Variants in CACNG6 observed in about 807,000 individuals in gnomAD.
CACNG6 encodes the protein voltage-dependent calcium channel gamma-6 subunit.
Under a neutral mutation model 23.9 loss-of-function variants are expected in CACNG6, and 21 were observed. The ratio of observed to expected loss-of-function variants is 0.88; its 90% CI spans 0.62 to 1.26. CACNG6 has a LOEUF of 1.26. Among genes scored for constraint, CACNG6 ranks in the 50% most tolerant of loss-of-function variants. CACNG6 has a pLI of 0.00. For synonymous variants in CACNG6, 182 were observed against 168.9 expected, an observed-to-expected ratio of 1.08 and a Z score of -0.60; for missense variants, 340 against 352.9, an observed-to-expected ratio of 0.96 and a Z score of 0.29.
In CACNG6 at chr19:53,992,707, C is replaced by G. The variant is rs1379426733; in HGVS notation, c.-171C>G. 7.4e-6 allele frequency: 3 copies of G among 406,916 alleles called. No homozygotes were observed. Among genetic ancestry groups the G allele is most frequent in the Non-Finnish European group, 1.3e-5 (3 of 235,324 alleles). The allele number at this position is 406,916 out of a possible 1,614,324, so 25.2% of individuals were successfully genotyped here. ...TTCTCTTCTGAACCCCAGAAGCAAT[C>G]TCGACTTTCGCATTTGAGATTCCAG... On this transcript the variant is annotated 5_prime_UTR_variant, in exon 1 of 4. In the 5' UTR this introduces an upstream ATG that the reference lacks. Coordinates refer to ENST00000252729, the MANE Select transcript of CACNG6 (RefSeq NM_145814.2). This position sits in a 1 kb window ranked among gnomAD's most constrained non-coding sequence, Gnocchi z 4.1.
At chr19:53,997,320 GT>G (rs1465885109) in intron 1 of CACNG6, among the ~76,000 whole-genome samples, 2 of 152,088 alleles carry the variant, frequency 1.3e-5, no homozygotes, top group Non-Finnish European at 2.9e-5. Flanking sequence ...GACTGTCTGT[GT>G]CATTTACTTG....
chr19:53,998,411 C>T (rs1454489663), intron 2 of CACNG6, 98 bp downstream of exon 2: 1 of 1,057,018 alleles, frequency 9.5e-7, no homozygotes, highest in Non-Finnish European at 1.4e-6. Flanking sequence ...TGCTTTACCC[C>T]AGGGCAGGTC....
In CACNG6 at chr19:54,012,220, C is replaced by G. The variant is rs2069726259; in HGVS notation, c.*31C>G. 1 of 1,037,986 alleles carries G rather than the reference C, an allele frequency of 9.6e-7. No individual in the cohort carries two copies. 64.3% of individuals were successfully genotyped at this position (1,037,986 alleles called of 1,614,324 possible). On this transcript the variant is annotated 3_prime_UTR_variant, in exon 4 of 4. Coordinates refer to ENST00000252729, the MANE Select transcript of CACNG6 (RefSeq NM_145814.2). ...CGCGTGAGACTTCTCTAAGCAACCA[C>G]CGAGCCCTTTGACCTTCTCCATTGT... is the stretch of plus-strand genomic sequence containing the variant.
At chr19:53,998,397 C>A in intron 2 of CACNG6, 84 bp downstream of exon 2, 1 of 1,232,530 alleles carries the variant, frequency 8.1e-7, no homozygotes, top group Non-Finnish European at 1.2e-6. Flanking sequence ...GTTATCCCCT[C>A]CTCTGCTTTA....
chr19:54,002,284 G>GTTTTTTTTTTT (rs139176353), intron 3 of CACNG6, among the ~76,000 whole-genome samples: 1 of 117,428 alleles, frequency 8.5e-6, no homozygotes, highest in Admixed American at 9.2e-5. Flanking sequence ...TGTTTTTTTT[G>GTTTTTTTTTTT]TTTTTTTTTT....
At chr19:54,003,391 T>C (rs2069600364) in intron 3 of CACNG6, among the ~76,000 whole-genome samples, 1 of 152,078 alleles carries the variant, frequency 6.6e-6, no homozygotes, top group Non-Finnish European at 1.5e-5. Flanking sequence ...GAGACAGTTT[T>C]GCTCTGTCAC....
chr19:53,997,969 T>C (rs1350990929), intron 1 of CACNG6, among the ~76,000 whole-genome samples: 2 of 152,166 alleles, frequency 1.3e-5, no homozygotes, highest in African/African-American at 4.8e-5. Flanking sequence ...TATCTCGTTT[T>C]AAAGAGGAGG....
chr19:54,005,478 G>A (rs987334872), intron 3 of CACNG6, among the ~76,000 whole-genome samples: 1 of 151,482 alleles, frequency 6.6e-6, no homozygotes, highest in Non-Finnish European at 1.5e-5. Flanking sequence ...TAAACTGGCC[G>A]GGCATGGTGG....
rs371151424 is a variant in CACNG6, at chr19:54,006,120, A to AAATAAAT, written c.545-5829_545-5828insTAAATAA. Among the ~76,000 whole-genome samples, 888 of 150,666 alleles carry AAATAAAT rather than the reference A, an allele frequency of 5.9e-3. 7 individuals carry two copies. The highest frequency in any genetic ancestry group is 9.7e-3 in the Non-Finnish European group (657 of 67,596). On this transcript the variant is annotated intron_variant, in intron 3 of 3. Coordinates refer to ENST00000252729, the MANE Select transcript of CACNG6 (RefSeq NM_145814.2). Reference sequence around the variant, plus strand: ...TAAATAAATAAATAAATAAATAAATAAAATAAGAAAGAAAGAAGACTCATT... The same window carrying AAATAAAT: ...TAAATAAATAAATAAATAAATAAATAAATAAATAAATAAGAAAGAAAGAAGACTCATT...
chr19:54,011,205 A>AAATATATATATATATATATATAT (rs58054808), intron 3 of CACNG6, among the ~76,000 whole-genome samples: 1 of 102,542 alleles, frequency 9.8e-6, no homozygotes, highest in Non-Finnish European at 1.7e-5. Context: ...AAAAAAAAAA[A>AAATATATATATATATATATATAT]ATATATATAT....
In CACNG6 at chr19:53,993,139, A is replaced by G. The variant is rs375730739; in HGVS notation, c.262A>G (p.Thr88Ala). The G allele has an allele frequency of 1.2e-4, 188 of 1,548,154 alleles. No homozygotes were observed. The African/African-American group carries it at 2.2e-3, about 18-fold the overall frequency. ...AAHLGLWKAC[T>A]KRLWQADVPV... ...CCACCTGGGGCTGTGGAAGGCGTGC[A>G]CCAAGCGGCTGTGGCAGGCGGACGT... The change falls in exon 1 of 4, where the codon ACC becomes GCC. Residue 88 changes from threonine to alanine, a missense_variant. Coordinates refer to ENST00000252729, the MANE Select transcript of CACNG6 (RefSeq NM_145814.2).
intron 3 of CACNG6, among the ~76,000 whole-genome samples, chr19:54,011,492 C>T (rs1485360292): frequency 6.6e-6 from 1 of 150,574 alleles, no homozygotes; most frequent in East Asian, 2.0e-4. Context: ...GAACCATATT[C>T]ACCCTACAGT....
Position 53,992,900 on chromosome 19 carries a change from T to C in CACNG6, c.23T>C (p.Leu8Pro). The C allele has an allele frequency of 1.4e-6, 2 of 1,406,594 alleles. No homozygotes were observed. The highest frequency in any genetic ancestry group is 1.8e-6 in the Non-Finnish European group (2 of 1,082,548). The allele number at this position is 1,406,594 out of a possible 1,614,324, so 87.1% of individuals were successfully genotyped here. Residue 8 changes from leucine (L) to proline (P), a missense_variant, in exon 1 of 4, where the codon CTG becomes CCG. Physicochemically the swap from Leu to Pro is moderately conservative, Grantham distance 98. Transcript: ENST00000252729. The surrounding 1 kb of genome is among the most constrained non-coding windows in gnomAD (Gnocchi z 4.1). The stretch of plus-strand genomic sequence containing the variant: ...AAGATGATGTGGTCCAACTTCTTCC[T>C]GCAAGAGGAGAACCGGCGGCGGGGG... MMWSNFF[L>P]QEENRRRGAA...
chr19:54,007,952 T>G (rs1201419055), intron 3 of CACNG6, among the ~76,000 whole-genome samples: 1 of 146,402 alleles, frequency 6.8e-6, no homozygotes, highest in African/African-American at 2.5e-5. Flanking sequence ...TGAAGGGGAG[T>G]CCTTGTCTAA....
At chr19:53,993,312 C>T (rs2069485817) in intron 1 of CACNG6, 104 bp downstream of exon 1, 2 of 1,206,876 alleles carry the variant, frequency 1.7e-6, no homozygotes, top group Admixed American at 2.7e-5. Context: ...AAAGCCTGAG[C>T]CCGGAGGAGA....
At chr19:54,006,679 A>G (rs900190742) in intron 3 of CACNG6, among the ~76,000 whole-genome samples, 12 of 149,372 alleles carry the variant, frequency 8.0e-5, no homozygotes, top group African/African-American at 2.9e-4. Context: ...GATTACAGGC[A>G]CCCGCCATGA....
intron 1 of CACNG6, among the ~76,000 whole-genome samples, chr19:53,993,501 C>G (rs185647655): frequency 6.6e-6 from 1 of 152,012 alleles, no homozygotes; most frequent in Non-Finnish European, 1.5e-5. Context: ...AATGTGCCTA[C>G]AGGGAGTCTG....
At position 54,012,020 on chromosome 19, in the gene CACNG6, C is replaced by T. The variant is rs751492357; in HGVS notation, c.614C>T (p.Pro205Leu). ...AGGGCCCTGCTGCAGAGAGTCAGCCCGGAGCCTCCCCCGGCCCCACGCCTC... is the reference window on the plus strand; with the variant it reads ...AGGGCCCTGCTGCAGAGAGTCAGCCTGGAGCCTCCCCCGGCCCCACGCCTC... ...SVRALLQRVS[P>L]EPPPAPRLTY... The change falls in exon 4 of 4, where the codon CCG (proline) becomes CTG (leucine). Residue 205 changes from proline (P) to leucine (L), a missense_variant. Pro to Leu is a moderately conservative substitution (Grantham distance 98). Transcript: ENST00000252729. 4 of 1,605,762 alleles carry T rather than the reference C, an allele frequency of 2.5e-6. No individual in the cohort carries two copies. The highest frequency in any genetic ancestry group is 1.3e-5 in the African/African-American group (1 of 74,232).
chr19:53,991,166 A>G (rs2069454536), upstream of CACNG6, among the ~76,000 whole-genome samples: 3 of 141,424 alleles, frequency 2.1e-5, no homozygotes, highest in South Asian at 6.9e-4. Context: ...CTAGGAGACC[A>G]GGTTCCTCTC....
Sources: gnomAD v4.1 joint callset for allele counts (sites outside exome capture counted in the v4.1 genomes callset) on GRCh38, gnomAD v4.1.1 for gene constraint, Gnocchi (gnomAD v3.1) non-coding constraint, MANE v1.5 for transcripts, NCBI Gene and HGNC (gene_info 2026-07-23, HGNC 2026-07-21) for gene names.